The following TSC2 variants were observed in gnomAD, a reference collection of about 807,000 sequenced individuals.
TSC2 encodes tuberin.
TSC2 carries 29 observed loss-of-function variants against 202.2 expected under a neutral mutation model. That is an observed-to-expected ratio of 0.14 (90% CI 0.11 to 0.20). TSC2 has a LOEUF of 0.20. Among genes scored for constraint, TSC2 ranks in the 10% least tolerant of loss-of-function variants. The pLI, the probability that TSC2 is intolerant of heterozygous loss-of-function variation, is 1.00. For missense variants in TSC2, 2,429 were observed against 2,420.0 expected (o/e 1.00, Z -0.08); for synonymous variants, 1,349 against 1,044.0 (o/e 1.29, Z -5.63).
At chr16:2,052,928 G>A (rs1383134096) in intron 3 of TSC2, among the ~76,000 whole-genome samples, 3 of 152,190 alleles carry the variant, frequency 2.0e-5, no homozygotes, top group Admixed American at 6.5e-5. Flanking sequence ...AGAGCCACAA[G>A]CAGGGATTCT....
In TSC2 at chr16:2,079,563, C is replaced by G. The variant is rs1173297358; in HGVS notation, c.3291C>G (p.Ser1097Arg). The part of the protein sequence containing the change: ...ELQSGPESSS[S>R]PGVHVRQTKE... ...CGTGGGATTCTCTTCTCAGCTCCAG[C>G]CCCGGGGTGCATGTGAGACAGACCA... The change falls in exon 29 of 42, where the codon AGC (serine) becomes AGG (arginine). Residue 1097 changes from serine to arginine, a missense_variant. Transcript: ENST00000219476. The surrounding 1 kb of genome is among the most constrained non-coding windows in gnomAD (Gnocchi z 4.6). The G allele has an allele frequency of 1.2e-6, 2 of 1,610,220 alleles. No individual in the cohort carries two copies. Among genetic ancestry groups the G allele is most frequent in the African/African-American group, 2.7e-5 (2 of 75,038 alleles).
In TSC2 at chr16:2,056,255, C is replaced by T. The variant is rs371896390; in HGVS notation, c.648+11C>T. ...TCTGTGGACATAGAGGTCAGTGCCT[C>T]CCCTCCCCAGGGCCGGCCCATTTCA... On this transcript the variant is annotated intron_variant, in intron 7 of 41. Coordinates refer to ENST00000219476, the MANE Select transcript of TSC2 (RefSeq NM_000548.5). The T allele has an allele frequency of 1.2e-6, 2 of 1,613,834 alleles. No homozygotes were observed. The highest frequency in any genetic ancestry group is 1.7e-5 in the Admixed American group (1 of 60,008).
chr16:2,069,461 G>A (rs1159678934), intron 16 of TSC2, among the ~76,000 whole-genome samples: 3 of 150,820 alleles, frequency 2.0e-5, no homozygotes, highest in Non-Finnish European at 4.4e-5. Flanking sequence ...GGATTTACAG[G>A]CATGCACCAC....
chr16:2,081,477 G>C, intron 30 of TSC2, 118 bp from the exon 31 acceptor site: 1 of 1,298,700 alleles, frequency 7.7e-7, no homozygotes, highest in Non-Finnish European at 1.1e-6. Flanking sequence ...GTGGTCCTGA[G>C]GATTGTGGGA....
At chr16:2,071,750 G>T (rs1301641711) in intron 18 of TSC2, 34 bp from the exon 19 acceptor site, 1 of 1,601,278 alleles carries the variant, frequency 6.2e-7, no homozygotes, top group Non-Finnish European at 8.5e-7. Context: ...CTGCTGCGGG[G>T]ACTTGGCCTC....
rs45468491 is a variant in TSC2 at position 2,084,269 on chromosome 16, G to A, written c.4047G>A (p.Ala1349=). 1.2e-4 allele frequency: 200 copies of A among 1,609,174 alleles called. No homozygotes were observed. The highest frequency in any genetic ancestry group is 2.5e-4 in the East Asian group (11 of 44,744). Residue 1349 remains alanine (A), a synonymous_variant, in exon 34 of 42, where the codon GCG becomes GCA. Coordinates refer to ENST00000219476, the MANE Select transcript of TSC2 (RefSeq NM_000548.5). The part of the protein sequence containing the change: ...VSSQEEKSLH[A]EELVGRGIPI... ...GCCAGGAGGAGAAGTCGCTCCACGC[G>A]GAGGAGCTGGTTGGCAGGGGCATCC...
In TSC2 at chr16:2,079,312, G is replaced by A. The variant is rs1240555646; in HGVS notation, c.3168G>A (p.Arg1056=). 1 of 1,613,072 alleles carries A rather than the reference G, an allele frequency of 6.2e-7. No homozygotes were observed. The highest frequency in any genetic ancestry group is 1.1e-5 in the South Asian group (1 of 91,084). Residue 1056 remains arginine (R), a synonymous_variant, in exon 28 of 42, where the codon AGG becomes AGA. Coordinates refer to ENST00000219476, the MANE Select transcript of TSC2 (RefSeq NM_000548.5). This position sits in a 1 kb window ranked among gnomAD's most constrained non-coding sequence, Gnocchi z 4.6. ...GCGAGTTCCTCCTAGCGGGTGGCAG[G>A]ACCAAAACCTGGCTGGTTGGGAACA... ...PVGEFLLAGG[R]TKTWLVGNKL...
At chr16:2,070,923 C>CAGGGCAGAGCTGAG (rs931312293) in intron 17 of TSC2, among the ~76,000 whole-genome samples, 1 of 151,946 alleles carries the variant, frequency 6.6e-6, no homozygotes, top group East Asian at 1.9e-4. Context: ...GTGGGCGGCA[C>CAGGGCAGAGCTGAG]AGGGCAGAGC....
At chr16:2,075,352 C>A (rs1369179658) in intron 22 of TSC2, 1 of 195,560 alleles carries the variant, frequency 5.1e-6, no homozygotes, top group Admixed American at 5.3e-5. Context: ...CGGTGAAACC[C>A]CGTCTCTAAT....
At chr16:2,082,814 T>C (rs1409426569) in intron 32 of TSC2, 2 of 508,374 alleles carry the variant, frequency 3.9e-6, no homozygotes, top group South Asian at 2.0e-5. Context: ...CAGACTCTGA[T>C]GGGTGGCAGC....
intron 20 of TSC2, 85 bp from the exon 21 acceptor site, chr16:2,072,764 G>A (rs2088667183): frequency 1.2e-6 from 2 of 1,606,182 alleles, no homozygotes; most frequent in Non-Finnish European, 1.7e-6. Context: ...TCCTGGGCCT[G>A]CGTTCCCAGG....
At chr16:2,059,912 T>G (rs2086421579) in intron 10 of TSC2, among the ~76,000 whole-genome samples, 1 of 152,166 alleles carries the variant, frequency 6.6e-6, no homozygotes, top group South Asian at 2.1e-4. Context: ...CCACCCGCCT[T>G]GGTCTCCCAA....
intron 21 of TSC2, among the ~76,000 whole-genome samples, chr16:2,073,185 G>A (rs1165730852): frequency 6.6e-6 from 1 of 152,222 alleles, no homozygotes; most frequent in African/African-American, 2.4e-5. Flanking sequence ...TTTGGGGCCT[G>A]GGAGCCATCC....
chr16:2,081,398 G>C (rs776095677), intron 30 of TSC2, 197 bp from the exon 31 acceptor site: 11 of 702,540 alleles, frequency 1.6e-5, no homozygotes, highest in Admixed American at 6.8e-5. Context: ...GGCGGAGCCT[G>C]GCCTCGAGGC....
intron 6 of TSC2, 60 bp from the exon 7 acceptor site, chr16:2,056,136 C>T: frequency 1.9e-6 from 3 of 1,605,376 alleles, no homozygotes; most frequent in Non-Finnish European, 2.6e-6. Flanking sequence ...TAGACCACAG[C>T]CCGTGGTGGC....
chr16:2,079,600 G>C lies in TSC2; in HGVS notation c.3328G>C (p.Ala1110Pro), dbSNP rs1260370117. Residue 1110 changes from alanine (A) to proline (P), a missense_variant, in exon 29 of 42, where the codon GCC (alanine) becomes CCC (proline). Transcript: ENST00000219476. The surrounding 1 kb of genome is among the most constrained non-coding windows in gnomAD (Gnocchi z 4.6). Reference protein sequence around the residue: ...VHVRQTKEAPAKLESQAGQQV... With the variant: ...VHVRQTKEAPPKLESQAGQQV... ...TGTGAGACAGACCAAGGAGGCGCCGGCCAAGCTGGAGTCCCAGGCTGGGCA... is the reference window on the plus strand; with the variant it reads ...TGTGAGACAGACCAAGGAGGCGCCGCCCAAGCTGGAGTCCCAGGCTGGGCA... 23 of 1,611,328 alleles carry C rather than the reference G, an allele frequency of 1.4e-5. No individual in the cohort carries two copies. Among genetic ancestry groups the C allele is most frequent in the Non-Finnish European group, 1.8e-5 (21 of 1,179,462 alleles).
rs767275578 is a variant in TSC2 at position 2,058,849 on chromosome 16, A to G, written c.951A>G (p.Thr317=). 4 of 1,607,968 alleles carry G rather than the reference A, an allele frequency of 2.5e-6. No individual in the cohort carries two copies. In the East Asian group the frequency reaches 6.7e-5, roughly 27 times the overall value. Residue 317 remains threonine, a synonymous_variant, in exon 10 of 42, where the codon ACA becomes ACG. Transcript: ENST00000219476. ...TCTATTCTCTCAGGAACTCGCCGAC[A>G]TCTGTGTTGCCATCATTTTACCAGG... ...HRLYSLRNSP[T]SVLPSFYQAM... is the part of the protein sequence containing the mutation.
At chr16:2,081,844 C>T in intron 31 of TSC2, 46 bp downstream of exon 31, 2 of 1,599,882 alleles carry the variant, frequency 1.3e-6, no homozygotes, top group Non-Finnish European at 8.5e-7. Flanking sequence ...TCCCACTGGC[C>T]TGGTGCTCCC....
Position 2,079,307 on chromosome 16 carries a change from G to A in TSC2, c.3163G>A (p.Gly1055Ser), listed in dbSNP as rs2151437639. 6.2e-7 allele frequency: 1 copy of A among 1,613,048 alleles called. No homozygotes were observed. The highest frequency in any genetic ancestry group is 8.5e-7 in the Non-Finnish European group (1 of 1,180,022). The change falls in exon 28 of 42, where the codon GGC becomes AGC. Residue 1055 changes from glycine (G) to serine (S), a missense_variant. Gly to Ser is a moderately conservative substitution (Grantham distance 56). Transcript: ENST00000219476. This position sits in a 1 kb window ranked among gnomAD's most constrained non-coding sequence, Gnocchi z 4.6. The part of the protein sequence containing the change: ...SPVGEFLLAG[G>S]RTKTWLVGNK... Reference sequence around the variant, plus strand: ...TGTGGGCGAGTTCCTCCTAGCGGGTGGCAGGACCAAAACCTGGCTGGTTGG... The same window carrying A: ...TGTGGGCGAGTTCCTCCTAGCGGGTAGCAGGACCAAAACCTGGCTGGTTGG...
Sources: gnomAD v4.1 joint callset for allele counts (sites outside exome capture counted in the v4.1 genomes callset) on GRCh38, gnomAD v4.1.1 for gene constraint, Gnocchi (gnomAD v3.1) non-coding constraint, MANE v1.5 for transcripts, NCBI Gene and HGNC (gene_info 2026-07-23, HGNC 2026-07-21) for gene names.